Variants in UBASH3B observed in about 807,000 individuals in gnomAD.
The protein encoded by UBASH3B is ubiquitin-associated and SH3 domain-containing protein B.
UBASH3B carries 37 observed loss-of-function variants against 83.4 expected under a neutral mutation model. The observed-to-expected ratio is 0.44, with a 90% CI of 0.34 to 0.58. The LOEUF (loss-of-function observed/expected upper bound fraction) is 0.58, where lower values mean the gene tolerates loss of function less well. Among genes scored for constraint, UBASH3B ranks in the 20% least tolerant of loss-of-function variants. The pLI, the probability that UBASH3B is intolerant of heterozygous loss-of-function variation, is 0.01. For missense variants in UBASH3B, 657 were observed against 827.2 expected (o/e 0.79, Z 2.52); for synonymous variants, 304 against 318.3 (o/e 0.96, Z 0.48).
chr11:122,720,023 A>G (rs948801353), intron 1 of UBASH3B, among the ~76,000 whole-genome samples: 3 of 152,084 alleles, frequency 2.0e-5, no homozygotes, highest in African/African-American at 7.2e-5. Context: ...CCTCAGCTGA[A>G]AACCATGGAC....
chr11:122,680,266 A>G (rs902158957), intron 1 of UBASH3B, among the ~76,000 whole-genome samples: 2 of 152,220 alleles, frequency 1.3e-5, no homozygotes, highest in East Asian at 1.9e-4. Context: ...TTCAGCTTCA[A>G]ATAAAACCTC....
intron 1 of UBASH3B, among the ~76,000 whole-genome samples, chr11:122,686,098 G>T (rs1329777973): frequency 6.6e-6 from 1 of 152,164 alleles, no homozygotes; most frequent in African/African-American, 2.4e-5. Context: ...ACTAAAAAGA[G>T]CAGGTTTCTT....
intron 1 of UBASH3B, among the ~76,000 whole-genome samples, chr11:122,677,582 G>A (rs1426494504): frequency 6.6e-6 from 1 of 152,124 alleles, no homozygotes; most frequent in Non-Finnish European, 1.5e-5. Flanking sequence ...TAGTATCTTA[G>A]TCTTTTATCT....
chr11:122,763,769 C>G (rs1273033362), intron 1 of UBASH3B, among the ~76,000 whole-genome samples: 7 of 152,204 alleles, frequency 4.6e-5, no homozygotes, highest in Non-Finnish European at 1.0e-4. Flanking sequence ...ATCAATATAT[C>G]TTTCTCCATT....
chr11:122,799,333 C>CA (rs1440748331), intron 10 of UBASH3B, among the ~76,000 whole-genome samples: 1 of 151,936 alleles, frequency 6.6e-6, no homozygotes, highest in Admixed American at 6.6e-5. Flanking sequence ...AGTAAAAATA[C>CA]AAAATTAGCC....
intron 1 of UBASH3B, among the ~76,000 whole-genome samples, chr11:122,667,037 CTTTTTTTTTTTT>C (rs148029449): frequency 9.8e-6 from 1 of 101,544 alleles, no homozygotes; most frequent in South Asian, 3.4e-4. Context: ...TAATGGCATT[CTTTTTTTTTTTT>C]TTTTTTTTTT....
Position 122,808,134 on chromosome 11 carries a change from GTCACC to G in UBASH3B, c.1774_1778del (p.Pro592GlufsTer21). On this transcript the variant is annotated frameshift_variant, in exon 13 of 14. Transcript: ENST00000284273. LOFTEE classifies it high-confidence loss of function. ...CGTGTACCTGCCAACTTCAGGGCCT[GTCACC>G]TCAGAACTCCAAGGACTTCGTACAA... 1 of 1,614,130 alleles carries G rather than the reference GTCACC, an allele frequency of 6.2e-7. No individual in the cohort carries two copies. The highest frequency in any genetic ancestry group is 8.5e-7 in the Non-Finnish European group (1 of 1,180,006).
At chr11:122,694,305 GT>G (rs766263085) in intron 1 of UBASH3B, among the ~76,000 whole-genome samples, 1 of 151,724 alleles carries the variant, frequency 6.6e-6, no homozygotes, top group Non-Finnish European at 1.5e-5. Flanking sequence ...TTTTTGTTTT[GT>G]TTTTTTAATG....
At position 122,811,255 on chromosome 11, in the gene UBASH3B, T is replaced by C. The variant is rs2135199497; in HGVS notation, c.*1369T>C. On this transcript the variant is annotated 3_prime_UTR_variant, in exon 14 of 14. Coordinates refer to ENST00000284273, the MANE Select transcript of UBASH3B (RefSeq NM_032873.5). ...GTCTCCTATGGTATAGTTCACTCTG[T>C]AGAAGATGTATGCAAAGTGAAATGC... is the stretch of plus-strand genomic sequence containing the variant. 6.6e-6 allele frequency: 1 copy of C among 152,658 alleles called. No individual in the cohort carries two copies. Among genetic ancestry groups the C allele is most frequent in the East Asian group, 1.9e-4 (1 of 5,204 alleles). 9.5% of individuals were successfully genotyped at this position (152,658 alleles called of 1,614,324 possible). A position where few individuals can be genotyped will look rare whatever the true frequency, so the allele number is the denominator to read the frequency against.
rs539557784 is a variant in UBASH3B at position 122,813,992 on chromosome 11, T to C, written c.*4106T>C. 1.3e-5 allele frequency: 2 copies of C among 152,580 alleles called. No homozygotes were observed. The highest frequency in any genetic ancestry group is 6.8e-3 in the Middle Eastern group (2 of 294). 9.5% of individuals were successfully genotyped at this position (152,580 alleles called of 1,614,324 possible). A position where few individuals can be genotyped will look rare whatever the true frequency, so the allele number is the denominator to read the frequency against. ...TAGTCGAACTTAATATACAATCAGT[T>C]CTTGCAAATACTTTACACTTAGCTG... On this transcript the variant is annotated 3_prime_UTR_variant, in exon 14 of 14. Transcript: ENST00000284273.
At chr11:122,696,282 G>A (rs1258935254) in intron 1 of UBASH3B, among the ~76,000 whole-genome samples, 3 of 151,190 alleles carry the variant, frequency 2.0e-5, no homozygotes, top group Admixed American at 6.6e-5. Flanking sequence ...GTAATAAGCC[G>A]GCAGGATTTT....
At position 122,753,657 on chromosome 11, in the gene UBASH3B, G is replaced by A. The variant is rs529620361; in HGVS notation, c.162-22562G>A. Among the ~76,000 whole-genome samples, 62 of 151,378 alleles carry A rather than the reference G, an allele frequency of 4.1e-4. 1 individual carries two copies. The East Asian group carries it at 0.012, about 28-fold the overall frequency. ...GATTACAGGCATGCACCACCACACC[G>A]GCTAATTTTGTATTTTTAGTAGAGA... On this transcript the variant is annotated intron_variant, in intron 1 of 13. Transcript: ENST00000284273.
At chr11:122,755,349 C>A (rs1861266710) in intron 1 of UBASH3B, among the ~76,000 whole-genome samples, 1 of 152,108 alleles carries the variant, frequency 6.6e-6, no homozygotes, top group African/African-American at 2.4e-5. Flanking sequence ...TAGCAGTTGG[C>A]CTTTTGGCTT....
At chr11:122,691,435 C>T (rs1486475074) in intron 1 of UBASH3B, among the ~76,000 whole-genome samples, 4 of 152,212 alleles carry the variant, frequency 2.6e-5, no homozygotes, top group Non-Finnish European at 5.9e-5. Flanking sequence ...TTTGTTAGCT[C>T]AGATGCTTTC....
At chr11:122,668,239 C>T (rs1399848460) in intron 1 of UBASH3B, among the ~76,000 whole-genome samples, 3 of 152,148 alleles carry the variant, frequency 2.0e-5, no homozygotes, top group Non-Finnish European at 2.9e-5. Flanking sequence ...CCTCCCACCT[C>T]GGCCTCCCAA....
At chr11:122,807,420 G>A (rs927606132) in intron 12 of UBASH3B, among the ~76,000 whole-genome samples, 3 of 152,122 alleles carry the variant, frequency 2.0e-5, no homozygotes, top group Non-Finnish European at 2.9e-5. Flanking sequence ...TTGTACCAGC[G>A]TCCATTTCCT....
At chr11:122,740,992 G>C (rs181175960) in intron 1 of UBASH3B, among the ~76,000 whole-genome samples, 1 of 152,326 alleles carries the variant, frequency 6.6e-6, no homozygotes, top group East Asian at 1.9e-4. Context: ...CAGGGATTTT[G>C]ATTCCTTCTT....
rs1196359724 is a variant in UBASH3B at position 122,811,920 on chromosome 11, A to G, written c.*2034A>G. 2.6e-5 allele frequency: 4 copies of G among 152,340 alleles called. No individual in the cohort carries two copies. The highest frequency in any genetic ancestry group is 3.4e-3 in the Middle Eastern group (1 of 294). 9.4% of individuals were successfully genotyped at this position (152,340 alleles called of 1,614,324 possible). ...CAGATCCATAATCTTTAACAGATTC[A>G]CCACAAATTTTCATGGGCGTTGAGT... On this transcript the variant is annotated 3_prime_UTR_variant, in exon 14 of 14. Coordinates refer to ENST00000284273, the MANE Select transcript of UBASH3B (RefSeq NM_032873.5).
chr11:122,808,012 A>C (rs1370574147), intron 12 of UBASH3B, 55 bp from the exon 13 acceptor site: 1 of 1,402,912 alleles, frequency 7.1e-7, no homozygotes, highest in Non-Finnish European at 1.0e-6. Flanking sequence ...AGTATTTGCA[A>C]AGTTTCCATG....
Sources: gnomAD v4.1 joint callset for allele counts (sites outside exome capture counted in the v4.1 genomes callset) on GRCh38, gnomAD v4.1.1 for gene constraint, MANE v1.5 for transcripts, NCBI Gene and HGNC (gene_info 2026-07-23, HGNC 2026-07-21) for gene names.